The following MS4A18 variants were observed in gnomAD, a reference collection of about 807,000 sequenced individuals.
MS4A18 encodes membrane spanning 4-domains A18, also known as membrane-spanning 4-domains subfamily A member 18.
A neutral mutation model predicts 13.1 loss-of-function variants in MS4A18; 27 were observed. The ratio of observed to expected loss-of-function variants is 2.06; its 90% confidence interval spans 1.52 to 2.84. MS4A18 has a LOEUF of 2.84. Ranked by LOEUF, MS4A18 falls within the 30% of genes most tolerant of loss-of-function variation. MS4A18 has a pLI of 0.00. For missense variants in MS4A18, 307 were observed against 196.4 expected (o/e 1.56, Z -3.37); for synonymous variants, 126 against 76.5 (o/e 1.65, Z -3.38).
At chr11:60,738,235 A>C (rs1853369540) in intron 3 of MS4A18, among the ~76,000 whole-genome samples, 1 of 152,170 alleles carries the variant, frequency 6.6e-6, no homozygotes, top group African/African-American at 2.4e-5. Flanking sequence ...ATAATGAATA[A>C]TTCGAGGACT....
chr11:60,739,759 C>T (rs551418663), intron 4 of MS4A18, among the ~76,000 whole-genome samples: 1 of 152,330 alleles, frequency 6.6e-6, no homozygotes, highest in South Asian at 2.1e-4. Flanking sequence ...TCAAGTGAAG[C>T]CATGCAAATG....
chr11:60,732,393 G>A (rs530123539), intron 1 of MS4A18, among the ~76,000 whole-genome samples: 1 of 152,094 alleles, frequency 6.6e-6, no homozygotes, highest in South Asian at 2.1e-4. Context: ...GAGAATATCG[G>A]TACTGGGAAG....
intron 4 of MS4A18, among the ~76,000 whole-genome samples, chr11:60,739,762 T>C (rs958693098): frequency 1.2e-4 from 18 of 152,162 alleles, no homozygotes; most frequent in Non-Finnish European, 2.5e-4. Flanking sequence ...AGTGAAGCCA[T>C]GCAAATGAAA....
At chr11:60,743,361 A>C (rs188464710) in intron 5 of MS4A18, among the ~76,000 whole-genome samples, 2 of 152,316 alleles carry the variant, frequency 1.3e-5, no homozygotes. Context: ...GCAAGCTGGC[A>C]ATCAACAGGG....
chr11:60,738,802 C>T, intron 3 of MS4A18, 100 bp from the exon 5 acceptor site: 1 of 638,904 alleles, frequency 1.6e-6, no homozygotes, highest in Non-Finnish European at 2.8e-6. Flanking sequence ...CTCTTTTCTG[C>T]CCTGCCTTCT....
chr11:60,743,299 T>C (rs947763016), intron 5 of MS4A18, among the ~76,000 whole-genome samples: 2 of 152,244 alleles, frequency 1.3e-5, no homozygotes, highest in African/African-American at 4.8e-5. Flanking sequence ...GTTGGTGAGT[T>C]GCCTGGTGGC....
upstream of MS4A18, among the ~76,000 whole-genome samples, chr11:60,727,637 T>A (rs1005911529): frequency 5.3e-5 from 8 of 152,178 alleles, no homozygotes; most frequent in African/African-American, 1.9e-4. Flanking sequence ...AACATACCTC[T>A]GGGGTCCTGC....
intron 1 of MS4A18, among the ~76,000 whole-genome samples, chr11:60,732,636 C>A (rs1853272872): frequency 6.7e-6 from 1 of 149,062 alleles, no homozygotes; most frequent in African/African-American, 2.5e-5. Flanking sequence ...GAGGCTGAGG[C>A]AGGAGAATCA....
At chr11:60,738,474 C>T (rs939397507) in intron 3 of MS4A18, among the ~76,000 whole-genome samples, 2 of 152,168 alleles carry the variant, frequency 1.3e-5, no homozygotes, top group African/African-American at 4.8e-5. Context: ...TCATTGCCTA[C>T]TCTCTGCTGC....
At chr11:60,739,329 G>T (rs545213426) in intron 4 of MS4A18, among the ~76,000 whole-genome samples, 1 of 152,066 alleles carries the variant, frequency 6.6e-6, no homozygotes, top group Non-Finnish European at 1.5e-5. Context: ...CTGCCCCTAG[G>T]GGTCTCTCGA....
At chr11:60,726,216 A>G (rs1027105170), upstream of MS4A18, among the ~76,000 whole-genome samples, 16 of 152,220 alleles carry the variant, frequency 1.1e-4, no homozygotes, top group African/African-American at 3.1e-4. Flanking sequence ...TCGGATCAAA[A>G]TGAGTGAGAA....
rs1417820369 is a variant in MS4A18, at chr11:60,729,569, CA to C, written c.255del (p.Val86TrpfsTer12). 4.3e-6 allele frequency: 3 copies of C among 702,658 alleles called. No homozygotes were observed. In the Admixed American group the frequency reaches 6.0e-5, roughly 14 times the overall value. The allele number at this position is 702,658 out of a possible 1,614,324, so 43.5% of individuals were successfully genotyped here. A position where few individuals can be genotyped will look rare whatever the true frequency, so the allele number is the denominator to read the frequency against. On this transcript the variant is annotated frameshift_variant, in exon 1 of 6. Transcript: ENST00000529108. LOFTEE classifies it high-confidence loss of function. The stretch of plus-strand genomic sequence containing the variant: ...CCCATTGGGTATCAGCGACAGTATC[CA>C]GTGGGAACAGCCAGTTTGCAGACGG...
upstream of MS4A18, among the ~76,000 whole-genome samples, chr11:60,726,348 G>A (rs1853161406): frequency 6.6e-6 from 1 of 152,182 alleles, no homozygotes; most frequent in Admixed American, 6.5e-5. Flanking sequence ...AAAAAGCTGG[G>A]AATTTTCTGA....
exon 1 of MS4A18, chr11:60,729,541 C>A: frequency 1.4e-6 from 1 of 702,738 alleles, no homozygotes; most frequent in South Asian, 1.5e-5. Context: ...TGTACAGAGT[C>A]AACCCATTGG....
rs377154108 is a variant in MS4A18 at position 60,736,785 on chromosome 11, C to T, written c.592-193C>T. On this transcript the variant is annotated intron_variant, in intron 2 of 5. Coordinates refer to ENST00000529108, the Ensembl canonical transcript of MS4A18. ...TAGACCCACAGGAGTTTGAGTATCA[C>T]GGTATTTAGTATATTTGGTGCCTAA... Among the ~76,000 whole-genome samples, 281 of 152,198 alleles carry T rather than the reference C, an allele frequency of 1.8e-3. 1 individual carries two copies. Among genetic ancestry groups the T allele is most frequent in the African/African-American group, 6.5e-3 (269 of 41,526 alleles).
At chr11:60,740,655 C>A (rs1375005521) in intron 4 of MS4A18, among the ~76,000 whole-genome samples, 1 of 152,176 alleles carries the variant, frequency 6.6e-6, no homozygotes, top group African/African-American at 2.4e-5. Context: ...GGAGAGGAAG[C>A]AAACACCAAC....
exon 1 of MS4A18, chr11:60,729,345 T>C: frequency 1.4e-6 from 1 of 702,776 alleles, no homozygotes; most frequent in Non-Finnish European, 2.6e-6. Context: ...GAGCCAACAG[T>C]GTACCTGGCA....
intron 2 of MS4A18, among the ~76,000 whole-genome samples, chr11:60,734,733 T>A: frequency 6.6e-6 from 1 of 151,818 alleles, no homozygotes; most frequent in East Asian, 1.9e-4. Flanking sequence ...TAAAAGGAGA[T>A]CTTGGGGTGG....
In MS4A18 at chr11:60,741,155, A is replaced by G. The variant is rs1853409912; in HGVS notation, c.858+12A>G. 1 of 702,814 alleles carries G rather than the reference A, an allele frequency of 1.4e-6. No individual in the cohort carries two copies. Among genetic ancestry groups the G allele is most frequent in the East Asian group, 2.7e-5 (1 of 37,286 alleles). The allele number at this position is 702,814 out of a possible 1,614,324, so 43.5% of individuals were successfully genotyped here. On this transcript the variant is annotated intron_variant, in intron 5 of 5. Transcript: ENST00000529108. ...GCAGACAATTTGAGGTAAGCATTGG[A>G]CTCTGTTCCAGGAATCAGATCATGC... is the stretch of plus-strand genomic sequence containing the variant.
Sources: allele counts gnomAD v4.1 joint callset (sites outside exome capture counted in the v4.1 genomes callset), GRCh38; gene constraint gnomAD v4.1.1; transcripts MANE v1.5; gene names NCBI Gene and HGNC (gene_info 2026-07-23, HGNC 2026-07-21).